The following RORA variants were observed in gnomAD, a reference collection of about 807,000 sequenced individuals.
RORA encodes the protein RAR related orphan receptor A, also known as nuclear receptor ROR-alpha.
In RORA, 7 loss-of-function variants were observed where a neutral mutation model predicts 69.5. That is an observed-to-expected ratio of 0.10 (90% confidence interval 0.06 to 0.19). The LOEUF (loss-of-function observed/expected upper bound fraction) is 0.19. Among genes scored for constraint, RORA ranks in the 10% least tolerant of loss-of-function variants. The pLI is 1.00. For missense variants in RORA, 457 were observed against 663.0 expected, an observed-to-expected ratio of 0.69 and a Z score of 3.41; for synonymous variants, 261 against 240.8, an observed-to-expected ratio of 1.08 and a Z score of -0.78.
intron 2 of RORA, among the ~76,000 whole-genome samples, chr15:60,533,911 T>C (rs1318727592): frequency 6.6e-6 from 1 of 152,204 alleles, no homozygotes; most frequent in Non-Finnish European, 1.5e-5. Context: ...GTCCTAGCAT[T>C]TAAGTCAGCA....
At chr15:60,792,739 T>A (rs1358405476) in intron 1 of RORA, among the ~76,000 whole-genome samples, 1 of 152,172 alleles carries the variant, frequency 6.6e-6, no homozygotes, top group South Asian at 2.1e-4. Flanking sequence ...GAGAGATTCA[T>A]TGCCAAGAGA....
At chr15:60,680,759 CTG>C (rs1205184608) in intron 1 of RORA, among the ~76,000 whole-genome samples, 4 of 152,054 alleles carry the variant, frequency 2.6e-5, no homozygotes, top group Admixed American at 6.6e-5. Context: ...TCAAATTTAA[CTG>C]TGCATTCTGT....
intron 2 of RORA, among the ~76,000 whole-genome samples, chr15:60,663,090 C>G (rs1415699364): frequency 6.6e-6 from 1 of 152,254 alleles, no homozygotes; most frequent in Non-Finnish European, 1.5e-5. Flanking sequence ...CCTGTGGCAT[C>G]TGCTGAAGCC....
chr15:61,225,394 T>C (rs991036202), intron 1 of RORA, among the ~76,000 whole-genome samples: 1 of 152,054 alleles, frequency 6.6e-6, no homozygotes, highest in East Asian at 1.9e-4. Flanking sequence ...TACTAGAAAG[T>C]GAATCAGCCA....
At chr15:60,872,647 G>A (rs898984393) in intron 1 of RORA, among the ~76,000 whole-genome samples, 6 of 152,096 alleles carry the variant, frequency 3.9e-5, no homozygotes, top group African/African-American at 1.4e-4. Flanking sequence ...GAATCTTGTG[G>A]TCCCAAATGC....
intron 1 of RORA, among the ~76,000 whole-genome samples, chr15:61,137,083 GAAAGAAAGAA>G (rs2079251383): frequency 6.8e-6 from 1 of 146,492 alleles, no homozygotes; most frequent in African/African-American, 2.6e-5. Flanking sequence ...AAGAAAGAAA[GAAAGAAAGAA>G]AGAAAGAAAA....
At chr15:60,903,178 T>C (rs1431954495) in intron 1 of RORA, among the ~76,000 whole-genome samples, 4 of 152,092 alleles carry the variant, frequency 2.6e-5, no homozygotes, top group Non-Finnish European at 5.9e-5. Flanking sequence ...ATATTAGTTG[T>C]TTTGGAAGGT....
intron 1 of RORA, among the ~76,000 whole-genome samples, chr15:61,118,586 C>G (rs993136448): frequency 6.6e-6 from 1 of 151,872 alleles, no homozygotes; most frequent in Non-Finnish European, 1.5e-5. Context: ...CACGGGGCCC[C>G]GAGAGTTAAG....
chr15:60,931,348 G>A (rs1009702907), intron 1 of RORA, among the ~76,000 whole-genome samples: 2 of 152,168 alleles, frequency 1.3e-5, no homozygotes, highest in Non-Finnish European at 2.9e-5. Context: ...GCCCCTCCCT[G>A]CCCAAGCACT....
chr15:60,904,076 TTAG>T (rs1891465121), intron 1 of RORA, among the ~76,000 whole-genome samples: 3 of 152,190 alleles, frequency 2.0e-5, no homozygotes, highest in African/African-American at 7.2e-5. Flanking sequence ...TGCAGAGCAG[TTAG>T]TAGGTATCGG....
chr15:60,821,049 T>C (rs954713450), intron 1 of RORA, among the ~76,000 whole-genome samples: 1 of 150,178 alleles, frequency 6.7e-6, no homozygotes, highest in African/African-American at 2.5e-5. Context: ...TGCCAGAGGA[T>C]ACCTCACCTA....
At chr15:60,972,604 C>A (rs1057114859) in intron 1 of RORA, among the ~76,000 whole-genome samples, 1 of 152,112 alleles carries the variant, frequency 6.6e-6, no homozygotes, top group East Asian at 1.9e-4. Flanking sequence ...TCCAAAATTT[C>A]TCTAGTCTTT....
intron 1 of RORA, among the ~76,000 whole-genome samples, chr15:61,100,137 T>A (rs2078857348): frequency 6.6e-6 from 1 of 150,664 alleles, no homozygotes; most frequent in African/African-American, 2.4e-5. Flanking sequence ...TTTTTTCTTT[T>A]GAGATGGAGT....
At position 60,491,956 on chromosome 15, in the gene RORA, A is replaced by G. The variant is rs1033495610; in HGVS notation, c.*5499T>C. 6.6e-6 allele frequency: 1 copy of G among 152,126 alleles called. No homozygotes were observed. The highest frequency in any genetic ancestry group is 1.5e-5 in the Non-Finnish European group (1 of 68,016). 9.4% of individuals were successfully genotyped at this position (152,126 alleles called of 1,614,324 possible). ...GCACATTATTTGATCTATAATATAA[A>G]GTTGTTTTCATGGGGTTCTATATCA... On this transcript the variant is annotated 3_prime_UTR_variant, in exon 11 of 11. Transcript: ENST00000335670.
intron 1 of RORA, among the ~76,000 whole-genome samples, chr15:60,921,967 C>CA (rs1421637824): frequency 6.6e-6 from 1 of 152,186 alleles, no homozygotes; most frequent in Non-Finnish European, 1.5e-5. Context: ...AACAGACCCC[C>CA]ATGGACCCCG....
intron 1 of RORA, among the ~76,000 whole-genome samples, chr15:60,730,444 A>G (rs2071414678): frequency 6.6e-6 from 1 of 152,194 alleles, no homozygotes; most frequent in Admixed American, 6.5e-5. Context: ...CCTTCTTTAA[A>G]ATACAGAAAT....
intron 1 of RORA, among the ~76,000 whole-genome samples, chr15:60,820,020 C>G (rs1407505293): frequency 6.6e-6 from 1 of 152,272 alleles, no homozygotes; most frequent in Non-Finnish European, 1.5e-5. Flanking sequence ...ACGCCTCTCC[C>G]TAACATCCCA....
At chr15:60,778,056 C>A (rs969387635) in intron 1 of RORA, among the ~76,000 whole-genome samples, 1 of 152,148 alleles carries the variant, frequency 6.6e-6, no homozygotes, top group Non-Finnish European at 1.5e-5. Flanking sequence ...CAAGCTATAG[C>A]CTCCGGCAAG....
intron 1 of RORA, among the ~76,000 whole-genome samples, chr15:61,217,055 G>A (rs1356570640): frequency 6.6e-6 from 1 of 152,158 alleles, no homozygotes; most frequent in African/African-American, 2.4e-5. Flanking sequence ...CAAACCGAAG[G>A]CCCCATTGGA....
Sources: gnomAD v4.1 joint callset for allele counts (sites outside exome capture counted in the v4.1 genomes callset) on GRCh38, gnomAD v4.1.1 for gene constraint, MANE v1.5 for transcripts, NCBI Gene and HGNC (gene_info 2026-07-23, HGNC 2026-07-21) for gene names.